Variants in SPOCK3 observed in about 807,000 individuals in gnomAD.
SPOCK3 encodes testican-3.
A neutral mutation model predicts 56.6 loss-of-function variants in SPOCK3; 30 were observed. The observed-to-expected ratio is 0.53, with a 90% CI of 0.40 to 0.72. The LOEUF (loss-of-function observed/expected upper bound fraction) is 0.72, where lower values mean the gene tolerates loss of function less well. SPOCK3 is among the 30% of genes least tolerant of loss of function. The pLI, the probability that SPOCK3 is intolerant of heterozygous loss-of-function variation, is 0.00. For missense variants in SPOCK3, 527 were observed against 530.0 expected (o/e 0.99, Z 0.06); for synonymous variants, 196 against 183.3 (o/e 1.07, Z -0.56).
intron 4 of SPOCK3, among the ~76,000 whole-genome samples, chr4:166,970,331 C>A (rs1745235699): frequency 2.0e-5 from 3 of 152,196 alleles, no homozygotes; most frequent in Non-Finnish European, 4.4e-5. Context: ...TATGGAATGG[C>A]TACACTTCTT....
chr4:166,982,680 A>AT (rs1169482206), intron 4 of SPOCK3, among the ~76,000 whole-genome samples: 21 of 152,334 alleles, frequency 1.4e-4, no homozygotes, highest in Admixed American at 1.1e-3. Flanking sequence ...TGCAGTTTGG[A>AT]TTTTTTTATT....
intron 2 of SPOCK3, among the ~76,000 whole-genome samples, chr4:167,205,401 ATATAT>A (rs1734099154): frequency 4.9e-5 from 2 of 40,576 alleles, no homozygotes; most frequent in South Asian, 5.5e-4. Flanking sequence ...TTTATATATA[ATATAT>A]TATATATTAA....
intron 5 of SPOCK3, among the ~76,000 whole-genome samples, chr4:166,890,656 A>G (rs1387909138): frequency 1.3e-5 from 2 of 151,902 alleles, no homozygotes; most frequent in Non-Finnish European, 2.9e-5. Flanking sequence ...ATTTGACATG[A>G]TTAAAAATTA....
intron 2 of SPOCK3, among the ~76,000 whole-genome samples, chr4:167,064,303 C>A (rs1755893548): frequency 6.6e-6 from 1 of 151,500 alleles, no homozygotes; most frequent in African/African-American, 2.4e-5. Flanking sequence ...CAAATTATAG[C>A]AATCTATACA....
intron 2 of SPOCK3, among the ~76,000 whole-genome samples, chr4:167,205,483 ATATATAATATATAATATATAT>A (rs1734139116): frequency 2.0e-5 from 1 of 51,042 alleles, no homozygotes; most frequent in Non-Finnish European, 3.3e-5. Flanking sequence ...TTTATATATA[ATATATAATATATAATATATAT>A]TATATAATAT....
intron 3 of SPOCK3, among the ~76,000 whole-genome samples, chr4:167,039,696 A>G (rs935152972): frequency 2.0e-5 from 3 of 152,118 alleles, no homozygotes; most frequent in Non-Finnish European, 4.4e-5. Flanking sequence ...AAAATGCTGA[A>G]AAGTTGCACT....
chr4:166,862,625 T>C (rs778029405), intron 6 of SPOCK3, among the ~76,000 whole-genome samples: 2 of 152,112 alleles, frequency 1.3e-5, no homozygotes, highest in Non-Finnish European at 2.9e-5. Context: ...TGAGTAGCCA[T>C]TAAAAAGTCA....
At chr4:166,818,923 C>T (rs539312994) in intron 6 of SPOCK3, among the ~76,000 whole-genome samples, 2 of 152,088 alleles carry the variant, frequency 1.3e-5, no homozygotes, top group African/African-American at 2.4e-5. Flanking sequence ...TTTTTAAAGT[C>T]TCTAGACTTT....
At chr4:167,222,640 T>C (rs1459436858) in intron 2 of SPOCK3, among the ~76,000 whole-genome samples, 13 of 139,704 alleles carry the variant, frequency 9.3e-5, no homozygotes, top group South Asian at 2.2e-4. Context: ...AGATATATAT[T>C]ATATATTCAT....
chr4:166,748,902 GC>G (rs1377730840), intron 8 of SPOCK3, among the ~76,000 whole-genome samples: 1 of 137,616 alleles, frequency 7.3e-6, no homozygotes, highest in Non-Finnish European at 1.5e-5. Flanking sequence ...ATCATCACTG[GC>G]CATCAGGGAA....
At chr4:167,215,356 G>A (rs145188615) in intron 2 of SPOCK3, among the ~76,000 whole-genome samples, 9 of 152,088 alleles carry the variant, frequency 5.9e-5, no homozygotes, top group East Asian at 1.9e-4. Context: ...TAAGAAACAC[G>A]GCTCTTTCCA....
chr4:166,989,733 TG>T (rs890191984), intron 4 of SPOCK3, among the ~76,000 whole-genome samples: 15 of 152,294 alleles, frequency 9.8e-5, no homozygotes, highest in African/African-American at 3.6e-4. Context: ...TACGTTTTTT[TG>T]GTAGTAAATT....
At chr4:166,959,842 T>C (rs1743943330) in intron 4 of SPOCK3, among the ~76,000 whole-genome samples, 1 of 152,108 alleles carries the variant, frequency 6.6e-6, no homozygotes, top group South Asian at 2.1e-4. Flanking sequence ...ATAAAGGAAA[T>C]ATTCACAATA....
chr4:166,896,836 C>T lies in SPOCK3; in HGVS notation c.475-7592G>A, dbSNP rs1448848149. Among the ~76,000 whole-genome samples, 4 of 152,268 alleles carry T rather than the reference C, an allele frequency of 2.6e-5. No individual in the cohort carries two copies. The East Asian group carries it at 7.7e-4, about 29-fold the overall frequency. ...CTCTGTAGTATAAAAATTCTAGGAA[C>T]TTTTCCAACTACATGGCCCATGTTC... is the stretch of plus-strand genomic sequence containing the variant. On this transcript the variant is annotated intron_variant, in intron 5 of 10. Transcript: ENST00000357545.
chr4:166,810,975 TTAAG>T (rs980951003), intron 6 of SPOCK3, among the ~76,000 whole-genome samples: 1 of 151,890 alleles, frequency 6.6e-6, no homozygotes, highest in Non-Finnish European at 1.5e-5. Context: ...CTTTGTTAAT[TTAAG>T]TAAGATTTTT....
chr4:166,823,463 T>C (rs1745144910), intron 6 of SPOCK3, among the ~76,000 whole-genome samples: 1 of 152,082 alleles, frequency 6.6e-6, no homozygotes, highest in South Asian at 2.1e-4. Context: ...TATTGTCTTA[T>C]TGCAATACTT....
chr4:166,992,976 C>T (rs1056930538), intron 4 of SPOCK3, among the ~76,000 whole-genome samples: 4 of 152,128 alleles, frequency 2.6e-5, no homozygotes, highest in Non-Finnish European at 5.9e-5. Flanking sequence ...TCATAGTGCA[C>T]CCTTTTTGTG....
intron 2 of SPOCK3, among the ~76,000 whole-genome samples, chr4:167,201,307 A>G (rs2110926883): frequency 6.6e-6 from 1 of 152,118 alleles, no homozygotes; most frequent in South Asian, 2.1e-4. Context: ...TATTTGAAAT[A>G]ATGATGATGA....
At chr4:166,932,828 G>A (rs936077821) in intron 4 of SPOCK3, among the ~76,000 whole-genome samples, 2 of 152,100 alleles carry the variant, frequency 1.3e-5, no homozygotes, top group South Asian at 4.1e-4. Context: ...ACAAAGTAAA[G>A]TGCTTTTCTG....
Sources: gnomAD v4.1 joint callset for allele counts (sites outside exome capture counted in the v4.1 genomes callset) on GRCh38, gnomAD v4.1.1 for gene constraint, MANE v1.5 for transcripts, NCBI Gene and HGNC (gene_info 2026-07-23, HGNC 2026-07-21) for gene names.